Variants in NHSL2 observed in about 807,000 individuals in gnomAD.
NHSL2 encodes NHS like 2.
Under a neutral mutation model 53.4 loss-of-function variants are expected in NHSL2, and 27 were observed. That is an observed-to-expected ratio of 0.51 (90% confidence interval 0.37 to 0.70). NHSL2 has a LOEUF of 0.70. Among genes scored for constraint, NHSL2 ranks in the 30% least tolerant of loss-of-function variants. The pLI is 0.00. For missense variants in NHSL2, 892 were observed against 980.1 expected (o/e 0.91, Z 1.20); for synonymous variants, 408 against 404.1 (o/e 1.01, Z -0.12).
intron 1 of NHSL2, among the ~76,000 whole-genome samples, chrX:72,051,372 G>A (rs1052065667): frequency 8.9e-6 from 1 of 112,018 alleles, no homozygotes; most frequent in African/African-American, 3.3e-5. Flanking sequence ...TCAAATTGCT[G>A]AGTTGAGGGG....
intron 1 of NHSL2, among the ~76,000 whole-genome samples, chrX:71,991,996 G>T: frequency 8.8e-6 from 1 of 113,050 alleles, no homozygotes; most frequent in Middle Eastern, 4.6e-3. Flanking sequence ...GATCTGCCTG[G>T]CCACAGGCAG....
chrX:71,935,645 G>A (rs1174119326), intron 1 of NHSL2, among the ~76,000 whole-genome samples: 3 of 112,559 alleles, frequency 2.7e-5, no homozygotes, highest in Non-Finnish European at 3.8e-5. Context: ...CACATTAGTG[G>A]TGTAAACAGG....
At chrX:72,065,882 T>C (rs1012886039) in intron 1 of NHSL2, among the ~76,000 whole-genome samples, 1 of 111,597 alleles carries the variant, frequency 9.0e-6, no homozygotes, top group Non-Finnish European at 1.9e-5. Flanking sequence ...GTAGCCCAGA[T>C]TGAATGGGCA....
At chrX:72,125,711 C>T (rs1034601871) in intron 1 of NHSL2, among the ~76,000 whole-genome samples, 3 of 111,815 alleles carry the variant, frequency 2.7e-5, no homozygotes, top group African/African-American at 9.8e-5. Context: ...TGCTGGAGAC[C>T]TTGTCAGGCA....
At chrX:71,979,366 C>T (rs1197562528) in intron 1 of NHSL2, among the ~76,000 whole-genome samples, 1 of 111,498 alleles carries the variant, frequency 9.0e-6, no homozygotes. Flanking sequence ...AACTAGTTTA[C>T]AGTCCCACCA....
chrX:72,061,038 T>G (rs1163000794), intron 1 of NHSL2, among the ~76,000 whole-genome samples: 1 of 111,893 alleles, frequency 8.9e-6, no homozygotes, highest in Non-Finnish European at 1.9e-5. Flanking sequence ...ATCACTACCC[T>G]CCTCCTGACC....
intron 1 of NHSL2, among the ~76,000 whole-genome samples, chrX:71,913,616 T>G (rs1396023314): frequency 1.8e-5 from 2 of 112,385 alleles, no homozygotes; most frequent in Non-Finnish European, 3.8e-5. Flanking sequence ...TGCCCTCAGA[T>G]TCTTCCTCTA....
chrX:71,951,146 C>G (rs1313215580), intron 1 of NHSL2, among the ~76,000 whole-genome samples: 1 of 110,476 alleles, frequency 9.1e-6, no homozygotes, highest in Non-Finnish European at 1.9e-5. Flanking sequence ...ATTTTATTTG[C>G]AAATTGACAA....
rs755673772 is a variant in NHSL2, at chrX:72,140,693, G to A, written c.3145G>A (p.Gly1049Ser). 14 of 1,208,292 alleles carry A rather than the reference G, an allele frequency of 1.2e-5. No individual in the cohort carries two copies. The East Asian group carries it at 2.4e-4, about 20-fold the overall frequency. ...LEEDTKCPATGDDLQSLGQRV... is the reference protein window; with the variant it reads ...LEEDTKCPATSDDLQSLGQRV... ...GGAAGACACCAAGTGTCCCGCCACC[G>A]GCGATGACCTGCAATCACTTGGTCA... is the stretch of plus-strand genomic sequence containing the variant. Residue 1049 changes from glycine to serine, a missense_variant, in exon 6 of 8, where the codon GGC becomes AGC. By Grantham distance (56) the Gly-to-Ser change is moderately conservative. Transcript: ENST00000633930.
intron 1 of NHSL2, among the ~76,000 whole-genome samples, chrX:72,106,419 C>T (rs2042040958): frequency 8.9e-6 from 1 of 111,752 alleles, no homozygotes; most frequent in African/African-American, 3.3e-5. Context: ...AAACAAATAC[C>T]ATCTCATGCC....
intron 1 of NHSL2, among the ~76,000 whole-genome samples, chrX:71,973,026 G>C (rs1469094273): frequency 8.0e-5 from 9 of 111,907 alleles, no homozygotes; most frequent in Non-Finnish European, 1.5e-4. Flanking sequence ...CATATGTACA[G>C]TCTTTCAGAC....
Position 72,129,951 on chromosome X carries a change from T to C in NHSL2, c.281-2128T>C, listed in dbSNP as rs763493311. 3.1e-5 allele frequency: 37 copies of C among 1,208,908 alleles called. No individual in the cohort carries two copies. The East Asian group carries it at 8.9e-4, about 29-fold the overall frequency. ...CTAAACGACCTGTGCGGCGAATCAG[T>C]TGGGGGGAGCTGTAGAATGGTGAAT... On this transcript the variant is annotated intron_variant, in intron 1 of 7. Coordinates refer to ENST00000633930, the MANE Select transcript of NHSL2 (RefSeq NM_001013627.3).
chrX:71,914,681 G>A (rs1276260753), intron 1 of NHSL2, among the ~76,000 whole-genome samples: 2 of 112,105 alleles, frequency 1.8e-5, no homozygotes, highest in African/African-American at 6.5e-5. Context: ...AGGACAGCTG[G>A]TTTATTTGTG....
chrX:71,981,520 G>C (rs1420476092), intron 1 of NHSL2, among the ~76,000 whole-genome samples: 4 of 78,122 alleles, frequency 5.1e-5, no homozygotes, highest in African/African-American at 2.0e-4. Flanking sequence ...CTGGGCAACA[G>C]AGCAAGACTC....
intron 1 of NHSL2, among the ~76,000 whole-genome samples, chrX:71,987,718 A>G (rs758039354): frequency 8.9e-6 from 1 of 112,417 alleles, no homozygotes; most frequent in South Asian, 3.7e-4. Context: ...ACCCTTTTAT[A>G]CTACACACAC....
At chrX:72,077,955 G>A (rs903385821) in intron 1 of NHSL2, among the ~76,000 whole-genome samples, 2 of 113,000 alleles carry the variant, frequency 1.8e-5, no homozygotes, top group Non-Finnish European at 3.7e-5. Flanking sequence ...CTTCTGTGGA[G>A]CCAGGCAGTA....
intron 1 of NHSL2, among the ~76,000 whole-genome samples, chrX:72,045,805 C>T (rs953198133): frequency 8.9e-6 from 1 of 111,989 alleles, no homozygotes; most frequent in African/African-American, 3.2e-5. Context: ...GTGTACAGAC[C>T]GCATACCTAT....
chrX:71,976,856 A>G (rs1403705948), intron 1 of NHSL2, among the ~76,000 whole-genome samples: 2 of 112,574 alleles, frequency 1.8e-5, no homozygotes, highest in Admixed American at 1.9e-4. Context: ...CCCTAGGGAA[A>G]ACCACAGAGC....
intron 1 of NHSL2, among the ~76,000 whole-genome samples, chrX:71,955,631 G>A (rs975650026): frequency 9.1e-6 from 1 of 110,038 alleles, no homozygotes; most frequent in Non-Finnish European, 1.9e-5. Flanking sequence ...ATTGAACTGG[G>A]GAGGCAAAAA....
Sources: allele counts gnomAD v4.1 joint callset (sites outside exome capture counted in the v4.1 genomes callset), GRCh38; gene constraint gnomAD v4.1.1; transcripts MANE v1.5; gene names NCBI Gene and HGNC (gene_info 2026-07-23, HGNC 2026-07-21).